The following PRDM16 variants were observed in gnomAD, a reference collection of about 807,000 sequenced individuals.
PRDM16 encodes the protein PR/SET domain 16.
Under a neutral mutation model 110.6 loss-of-function variants are expected in PRDM16, and 23 were observed. The ratio of observed to expected loss-of-function variants is 0.21; its 90% confidence interval spans 0.15 to 0.29. The LOEUF (loss-of-function observed/expected upper bound fraction) is 0.29, where lower values mean the gene tolerates loss of function less well. PRDM16 is among the 10% of genes least tolerant of loss of function. PRDM16 has a pLI of 1.00. For synonymous variants in PRDM16, 799 were observed against 781.8 expected (o/e 1.02, Z -0.37); for missense variants, 1,615 against 1,794.3 (o/e 0.90, Z 1.81).
intron 1 of PRDM16, among the ~76,000 whole-genome samples, chr1:3,099,498 G>T (rs904700238): frequency 2.0e-5 from 3 of 152,192 alleles, no homozygotes; most frequent in Admixed American, 6.5e-5. Flanking sequence ...CAAGGCCGGT[G>T]GGGGGCAAGG....
chr1:3,110,072 C>CA (rs1642750036), intron 1 of PRDM16, among the ~76,000 whole-genome samples: 1 of 130,050 alleles, frequency 7.7e-6, no homozygotes, highest in African/African-American at 3.0e-5. Flanking sequence ...GGGCTCCCCT[C>CA]TGTCCTGGGT....
At chr1:3,375,508 A>G (rs893838373) in intron 3 of PRDM16, among the ~76,000 whole-genome samples, 7 of 152,240 alleles carry the variant, frequency 4.6e-5, no homozygotes, top group Non-Finnish European at 8.8e-5. Flanking sequence ...GACGAGCCAC[A>G]TGCCAGAGAG....
intron 3 of PRDM16, among the ~76,000 whole-genome samples, chr1:3,357,443 G>A (rs1216090438): frequency 6.6e-6 from 1 of 151,966 alleles, no homozygotes; most frequent in Non-Finnish European, 1.5e-5. Context: ...ACAGTCGACA[G>A]GCAGGATGGA....
chr1:3,278,569 A>C (rs1640640700), intron 3 of PRDM16, among the ~76,000 whole-genome samples: 1 of 152,196 alleles, frequency 6.6e-6, no homozygotes, highest in Non-Finnish European at 1.5e-5. Flanking sequence ...GCTGGGCATG[A>C]AACAGGCCCT....
intron 1 of PRDM16, among the ~76,000 whole-genome samples, chr1:3,114,435 A>C (rs945998284): frequency 7.7e-6 from 1 of 130,632 alleles, no homozygotes; most frequent in East Asian, 2.3e-4. Context: ...CACCAGGTGT[A>C]AACAGACGCA....
chr1:3,256,833 G>C (rs1316384003), intron 3 of PRDM16, among the ~76,000 whole-genome samples: 1 of 151,788 alleles, frequency 6.6e-6, no homozygotes, highest in Non-Finnish European at 1.5e-5. Context: ...CTCCAGCCTG[G>C]GCGACAGAGT....
intron 3 of PRDM16, among the ~76,000 whole-genome samples, chr1:3,343,797 T>C (rs1642314923): frequency 6.6e-6 from 1 of 152,028 alleles, no homozygotes; most frequent in African/African-American, 2.4e-5. Flanking sequence ...TCCACCACCA[T>C]GCCGGGCTAA....
intron 2 of PRDM16, among the ~76,000 whole-genome samples, chr1:3,232,081 T>C (rs1639430582): frequency 6.6e-6 from 1 of 152,244 alleles, no homozygotes; most frequent in African/African-American, 2.4e-5. Flanking sequence ...CGCAGGCAGC[T>C]GCGACCGACA....
intron 3 of PRDM16, among the ~76,000 whole-genome samples, chr1:3,288,193 G>A (rs1162097277): frequency 6.6e-6 from 1 of 152,214 alleles, no homozygotes; most frequent in Admixed American, 6.5e-5. Flanking sequence ...TCCAGCACTG[G>A]AGGCTGTGGC....
intron 1 of PRDM16, among the ~76,000 whole-genome samples, chr1:3,076,256 C>T (rs150851974): frequency 1.8e-3 from 281 of 152,266 alleles, no homozygotes; most frequent in Middle Eastern, 0.014. Flanking sequence ...ACGTCTTTGC[C>T]GCAGCCCTGG....
Position 3,382,167 on chromosome 1 carries a change from G to C in PRDM16, c.439-2985G>C, listed in dbSNP as rs974286460. Among the ~76,000 whole-genome samples the C allele has an allele frequency of 2.0e-5, 3 of 152,226 alleles. No homozygotes were observed. The highest frequency in any genetic ancestry group is 4.4e-5 in the Non-Finnish European group (3 of 68,020). The stretch of plus-strand genomic sequence containing the variant: ...GCCTGGGGAGGGGCCTCACCACGTG[G>C]GGCTGGTGGCCCTGGGTCTGCACCC... On this transcript the variant is annotated intron_variant, in intron 3 of 16. Coordinates refer to ENST00000270722, the MANE Select transcript of PRDM16 (RefSeq NM_022114.4). The surrounding 1 kb of genome is among the most constrained non-coding windows in gnomAD (Gnocchi z 6.6).
intron 1 of PRDM16, among the ~76,000 whole-genome samples, chr1:3,100,283 A>G (rs1287420090): frequency 6.6e-6 from 1 of 152,168 alleles, no homozygotes; most frequent in Non-Finnish European, 1.5e-5. Flanking sequence ...GCAACGCCAC[A>G]TCACAGACCC....
rs748390268 is a variant in PRDM16, at chr1:3,412,655, C to T, written c.2458C>T (p.Arg820Trp). The change falls in exon 9 of 17, where the codon CGG becomes TGG. Residue 820 changes from arginine (R) to tryptophan (W), a missense_variant. By Grantham distance (101) the Arg-to-Trp change is moderately radical. This residue lies in a region of PRDM16 where 772 missense variants were observed against 748.3 expected (regional missense o/e 1.03). Coordinates refer to ENST00000270722, the MANE Select transcript of PRDM16 (RefSeq NM_022114.4). ...CCGTGCCAGCCAAAACGGCGGCGGG[C>T]GGGAGCCCCGCAAGAACCACGTCTA... is the stretch of plus-strand genomic sequence containing the variant. ...RARASQNGGG[R>W]EPRKNHVYGE... 25 of 1,533,746 alleles carry T rather than the reference C, an allele frequency of 1.6e-5. No homozygotes were observed. Among genetic ancestry groups the T allele is most frequent in the Middle Eastern group, 1.7e-4 (1 of 5,858 alleles).
chr1:3,186,560 C>A, intron 2 of PRDM16, 86 bp downstream of exon 2: 1 of 922,234 alleles, frequency 1.1e-6, no homozygotes, highest in Non-Finnish European at 1.6e-6. Flanking sequence ...GCAGCCACTG[C>A]CCGAGGCGGG....
At chr1:3,346,234 C>G (rs1642360484) in intron 3 of PRDM16, among the ~76,000 whole-genome samples, 1 of 152,362 alleles carries the variant, frequency 6.6e-6, no homozygotes. Flanking sequence ...CCCGTTGGCC[C>G]TGCCCCACGG....
chr1:3,381,498 G>A (rs777153704), intron 3 of PRDM16, among the ~76,000 whole-genome samples: 2 of 151,446 alleles, frequency 1.3e-5, no homozygotes, highest in African/African-American at 2.4e-5. Flanking sequence ...TTCCTCCCAG[G>A]TACAAGCAAT....
chr1:3,134,922 C>T (rs1164711398), intron 1 of PRDM16, among the ~76,000 whole-genome samples: 1 of 152,160 alleles, frequency 6.6e-6, no homozygotes, highest in Non-Finnish European at 1.5e-5. Context: ...GGGTATTAGC[C>T]GGGGATTAGA....
rs973075609 is a variant in PRDM16, at chr1:3,364,485, G to A, written c.439-20667G>A. Among the ~76,000 whole-genome samples the A allele has an allele frequency of 5.3e-5, 8 of 152,202 alleles. No individual in the cohort carries two copies. In the South Asian group the frequency reaches 1.7e-3, roughly 31 times the overall value. Reference sequence around the variant, plus strand: ...GGGGCACTTTCTGGACAAGCCCCCGGAGGATGGCTCCTCTTCCATTCCAAC... The same window carrying A: ...GGGGCACTTTCTGGACAAGCCCCCGAAGGATGGCTCCTCTTCCATTCCAAC... On this transcript the variant is annotated intron_variant, in intron 3 of 16. Coordinates refer to ENST00000270722, the MANE Select transcript of PRDM16 (RefSeq NM_022114.4).
intron 1 of PRDM16, among the ~76,000 whole-genome samples, chr1:3,142,527 G>A (rs1430985614): frequency 6.6e-6 from 1 of 152,140 alleles, no homozygotes; most frequent in Non-Finnish European, 1.5e-5. Context: ...AAAGCACAGG[G>A]ATCCTCCTCA....
Sources: allele counts gnomAD v4.1 joint callset (sites outside exome capture counted in the v4.1 genomes callset), GRCh38; gene constraint gnomAD v4.1.1; regional missense constraint gnomAD v4.1.1; non-coding constraint Gnocchi (gnomAD v3.1); transcripts MANE v1.5; gene names NCBI Gene and HGNC (gene_info 2026-07-23, HGNC 2026-07-21).